ASAP2: variants seen among roughly 807,000 people sequenced by gnomAD.
ASAP2 encodes the protein ArfGAP with SH3 domain, ankyrin repeat and PH domain 2.
ASAP2 carries 45 observed loss-of-function variants against 131.4 expected under a neutral mutation model. The observed-to-expected ratio is 0.34, with a 90% CI of 0.27 to 0.44. ASAP2 has a LOEUF of 0.44. Ranked by LOEUF, ASAP2 falls within the 20% of genes least tolerant of loss-of-function variation. ASAP2 has a pLI of 1.00. For synonymous variants in ASAP2, 510 were observed against 503.0 expected (o/e 1.01, Z -0.19); for missense variants, 1,011 against 1,297.0 (o/e 0.78, Z 3.39).
intron 9 of ASAP2, among the ~76,000 whole-genome samples, chr2:9,335,619 T>C (rs1448756356): frequency 6.6e-6 from 1 of 152,234 alleles, no homozygotes; most frequent in Non-Finnish European, 1.5e-5. Context: ...CTATAAAATA[T>C]GAGGCATGAG....
intron 3 of ASAP2, among the ~76,000 whole-genome samples, chr2:9,304,753 G>C (rs1668732118): frequency 1.4e-5 from 2 of 142,624 alleles, no homozygotes; most frequent in Non-Finnish European, 3.1e-5. Flanking sequence ...GGTGGAGGGG[G>C]TTGTAATAGT....
chr2:9,237,183 A>G (rs1185088100), intron 1 of ASAP2, among the ~76,000 whole-genome samples: 4 of 152,186 alleles, frequency 2.6e-5, no homozygotes. Context: ...GAGTTAAAAA[A>G]AAAAGCCCTG....
intron 1 of ASAP2, among the ~76,000 whole-genome samples, chr2:9,239,731 CT>C (rs879382435): frequency 3.2e-4 from 48 of 148,050 alleles, no homozygotes; most frequent in Non-Finnish European, 3.9e-4. Flanking sequence ...ATGGCAGCAT[CT>C]TTTTTTTTTT....
chr2:9,380,194 G>GTTTTTGT (rs1674727106), intron 19 of ASAP2, among the ~76,000 whole-genome samples: 1 of 151,860 alleles, frequency 6.6e-6, no homozygotes. Flanking sequence ...TTTTGTTTTT[G>GTTTTTGT]TTTTTGTTTT....
At chr2:9,229,757 G>C (rs1663023871) in intron 1 of ASAP2, among the ~76,000 whole-genome samples, 1 of 152,200 alleles carries the variant, frequency 6.6e-6, no homozygotes, top group Non-Finnish European at 1.5e-5. Context: ...ATTCTGCAGG[G>C]GGACAAAGTG....
intron 1 of ASAP2, among the ~76,000 whole-genome samples, chr2:9,267,897 CAAAAAAAAAAAAAAA>C (rs34716225): frequency 4.6e-5 from 3 of 65,022 alleles, no homozygotes; most frequent in African/African-American, 1.4e-4. Flanking sequence ...GACTCTATCT[CAAAAAAAAAAAAAAA>C]AAAAAAAAAA....
chr2:9,334,910 C>T (rs570301430), intron 8 of ASAP2, 97 bp downstream of exon 8: 62 of 1,449,916 alleles, frequency 4.3e-5, no homozygotes, highest in Middle Eastern at 1.7e-4. Flanking sequence ...GTTTTCATGC[C>T]GTGCCGCCCA....
intron 1 of ASAP2, among the ~76,000 whole-genome samples, chr2:9,264,195 A>AAAAAAT (rs1553299674): frequency 1.4e-5 from 2 of 141,872 alleles, no homozygotes; most frequent in African/African-American, 5.3e-5. Context: ...TGTCTCAAAA[A>AAAAAAT]AATAATAATA....
intron 1 of ASAP2, among the ~76,000 whole-genome samples, chr2:9,218,497 G>A (rs1662209128): frequency 6.6e-6 from 1 of 152,314 alleles, no homozygotes; most frequent in African/African-American, 2.4e-5. Context: ...GTGAATCATG[G>A]ATGTGGCGTG....
chr2:9,379,528 G>A (rs1293808070), intron 19 of ASAP2, among the ~76,000 whole-genome samples: 6 of 152,076 alleles, frequency 3.9e-5, no homozygotes, highest in Admixed American at 1.3e-4. Flanking sequence ...GTTGTTACTT[G>A]GCCCCGGTCC....
chr2:9,256,385 A>G (rs1995924), intron 1 of ASAP2, among the ~76,000 whole-genome samples: 83,379 of 152,008 alleles, frequency 0.55, 24,078 homozygotes, highest in African/African-American at 0.74. Context: ...TGTCAACTGT[A>G]CATAAAGAAA....
At chr2:9,297,534 G>A (rs1256429814) in intron 3 of ASAP2, 89 bp downstream of exon 3, 1 of 1,464,800 alleles carries the variant, frequency 6.8e-7, no homozygotes, top group African/African-American at 1.4e-5. Flanking sequence ...TGATAAACTA[G>A]GAATGCATTT....
chr2:9,349,009 C>G (rs190474697), intron 11 of ASAP2, among the ~76,000 whole-genome samples: 23 of 152,278 alleles, frequency 1.5e-4, no homozygotes, highest in African/African-American at 5.5e-4. Context: ...GCTGTATAAC[C>G]TCAACCAGAT....
chr2:9,374,710 G>A (rs1674253003), intron 16 of ASAP2, 45 bp from the exon 17 acceptor site: 1 of 1,538,596 alleles, frequency 6.5e-7, no homozygotes, highest in South Asian at 1.2e-5. Flanking sequence ...CGGACGGCGG[G>A]TAGAAGCCCT....
chr2:9,212,263 A>G (rs377481923), intron 1 of ASAP2, among the ~76,000 whole-genome samples: 1 of 152,150 alleles, frequency 6.6e-6, no homozygotes, highest in East Asian at 1.9e-4. Context: ...CTGTAAACAA[A>G]TCAGTGCAGT....
rs143271616 is a variant in ASAP2 at position 9,280,441 on chromosome 2, C to A, written c.199+1052C>A. Among the ~76,000 whole-genome samples, 586 of 152,102 alleles carry A rather than the reference C, an allele frequency of 3.9e-3. 4 individuals are homozygous for A. The highest frequency in any genetic ancestry group is 0.011 in the South Asian group (55 of 4,810). ...CCCCCCATGAGAGCTGTGCAAGCCA[C>A]AATCGGGAAGAATCTAGCAGGAAAT... is the stretch of plus-strand genomic sequence containing the variant. On this transcript the variant is annotated intron_variant, in intron 2 of 27. Transcript: ENST00000281419.
intron 3 of ASAP2, among the ~76,000 whole-genome samples, chr2:9,300,460 A>G (rs10170027): frequency 0.058 from 8,842 of 152,316 alleles, 666 homozygotes; most frequent in African/African-American, 0.17. Context: ...CAGCTGGTAC[A>G]TTGCTCACCA....
intron 3 of ASAP2, among the ~76,000 whole-genome samples, chr2:9,317,898 T>A (rs1354816128): frequency 6.6e-6 from 1 of 152,126 alleles, no homozygotes; most frequent in Non-Finnish European, 1.5e-5. Flanking sequence ...CACCCTCATG[T>A]GCATTCACTC....
At chr2:9,226,441 C>T (rs566492498) in intron 1 of ASAP2, among the ~76,000 whole-genome samples, 125 of 152,258 alleles carry the variant, frequency 8.2e-4, no homozygotes, top group African/African-American at 2.8e-3. Context: ...GCTTTTATTT[C>T]CCCAAATACC....
Sources: gnomAD v4.1 joint callset for allele counts (sites outside exome capture counted in the v4.1 genomes callset) on GRCh38, gnomAD v4.1.1 for gene constraint, MANE v1.5 for transcripts, NCBI Gene and HGNC (gene_info 2026-07-23, HGNC 2026-07-21) for gene names.